The following RCAN2 variants were observed in gnomAD, a reference collection of about 807,000 sequenced individuals.
RCAN2 encodes the protein calcipressin-2.
In RCAN2, 9 loss-of-function variants were observed where a neutral mutation model predicts 23.6. The observed-to-expected ratio is 0.38, with a 90% CI of 0.23 to 0.67. The LOEUF is 0.67. Ranked by LOEUF, RCAN2 falls within the 30% of genes least tolerant of loss-of-function variation. The pLI is 0.51. For missense variants in RCAN2, 273 were observed against 302.3 expected, an observed-to-expected ratio of 0.90 and a Z score of 0.72; for synonymous variants, 109 against 115.7, an observed-to-expected ratio of 0.94 and a Z score of 0.37.
chr6:46,390,336 T>C (rs1002431217), intron 2 of RCAN2, among the ~76,000 whole-genome samples: 1 of 152,234 alleles, frequency 6.6e-6, no homozygotes, highest in African/African-American at 2.4e-5. Context: ...ACATCATGGA[T>C]GAATGGAATG....
At chr6:46,474,016 G>C (rs1054802026) in intron 1 of RCAN2, among the ~76,000 whole-genome samples, 1 of 152,188 alleles carries the variant, frequency 6.6e-6, no homozygotes, top group Non-Finnish European at 1.5e-5. Context: ...GGTGGTGGAG[G>C]AGAGGCACTG....
chr6:46,241,082 A>C (rs1228287076), intron 4 of RCAN2, among the ~76,000 whole-genome samples: 3 of 152,204 alleles, frequency 2.0e-5, no homozygotes, highest in Non-Finnish European at 4.4e-5. Context: ...GCCATCTTAG[A>C]GAGCAGAATA....
chr6:46,445,769 T>C (rs191469976), intron 2 of RCAN2, among the ~76,000 whole-genome samples: 7 of 152,240 alleles, frequency 4.6e-5, no homozygotes, highest in African/African-American at 1.7e-4. Context: ...TGCAATGAAC[T>C]AAGTTAAAAA....
At chr6:46,416,031 C>T (rs1269386473) in intron 2 of RCAN2, among the ~76,000 whole-genome samples, 1 of 152,012 alleles carries the variant, frequency 6.6e-6, no homozygotes, top group Non-Finnish European at 1.5e-5. Flanking sequence ...TAGGTAATAA[C>T]CGACAAGAAA....
intron 2 of RCAN2, among the ~76,000 whole-genome samples, chr6:46,264,706 G>A (rs763803958): frequency 3.9e-5 from 6 of 152,142 alleles, no homozygotes; most frequent in Non-Finnish European, 7.4e-5. Flanking sequence ...CATGGCTGAA[G>A]TGGATTTACT....
intron 4 of RCAN2, among the ~76,000 whole-genome samples, chr6:46,243,429 C>T (rs1766379631): frequency 6.6e-6 from 1 of 152,128 alleles, no homozygotes; most frequent in African/African-American, 2.4e-5. Flanking sequence ...TCAATATTTG[C>T]TCTTGTACCA....
At chr6:46,359,822 A>C (rs544384421) in intron 2 of RCAN2, among the ~76,000 whole-genome samples, 1 of 151,876 alleles carries the variant, frequency 6.6e-6, no homozygotes, top group South Asian at 2.1e-4. Context: ...ATTTTCACCA[A>C]AAAAAAAGTT....
chr6:46,296,120 G>A (rs780109703), intron 2 of RCAN2, among the ~76,000 whole-genome samples: 3 of 147,110 alleles, frequency 2.0e-5, no homozygotes, highest in Non-Finnish European at 4.5e-5. Context: ...TGTGTGTGCT[G>A]TCTTTGGCCT....
chr6:46,313,219 C>T (rs1763321519), intron 2 of RCAN2, among the ~76,000 whole-genome samples: 2 of 152,192 alleles, frequency 1.3e-5, no homozygotes, highest in South Asian at 2.1e-4. Context: ...TACTCTCTTA[C>T]AGGCTTCCAT....
At chr6:46,371,048 T>C (rs1286125057) in intron 2 of RCAN2, among the ~76,000 whole-genome samples, 1 of 152,212 alleles carries the variant, frequency 6.6e-6, no homozygotes, top group African/African-American at 2.4e-5. Flanking sequence ...GTGCATACAC[T>C]GACATTGTAT....
intron 2 of RCAN2, among the ~76,000 whole-genome samples, chr6:46,398,844 G>C (rs1224734746): frequency 6.6e-6 from 1 of 151,656 alleles, no homozygotes; most frequent in Non-Finnish European, 1.5e-5. Flanking sequence ...ATATTAATGG[G>C]TGCATTATAG....
intron 2 of RCAN2, among the ~76,000 whole-genome samples, chr6:46,316,720 C>T (rs1229971212): frequency 6.6e-6 from 1 of 152,194 alleles, no homozygotes; most frequent in African/African-American, 2.4e-5. Context: ...ATAGTCAGTG[C>T]TCAATACATT....
rs536719242 is a variant in RCAN2, at chr6:46,455,991, G to T, written c.225+761C>A. On this transcript the variant is annotated intron_variant, in intron 2 of 4. Coordinates refer to ENST00000371374, the MANE Select transcript of RCAN2 (RefSeq NM_001251974.2). ...TAAGAATCTACATCTACAAGGGAAG[G>T]TTTAATCCATTTAGATACCCCATTC... is the stretch of plus-strand genomic sequence containing the variant. Among the ~76,000 whole-genome samples the T allele has an allele frequency of 2.0e-5, 3 of 152,150 alleles. No homozygotes were observed. The East Asian group carries it at 5.8e-4, about 29-fold the overall frequency.
At chr6:46,266,441 G>T (rs1440092135) in intron 2 of RCAN2, among the ~76,000 whole-genome samples, 1 of 152,132 alleles carries the variant, frequency 6.6e-6, no homozygotes, top group Non-Finnish European at 1.5e-5. Context: ...TGGGTAGGTG[G>T]GACACTGTTG....
At chr6:46,460,866 A>G (rs1768184563) in intron 1 of RCAN2, among the ~76,000 whole-genome samples, 1 of 152,250 alleles carries the variant, frequency 6.6e-6, no homozygotes, top group Admixed American at 6.5e-5. Flanking sequence ...TACTATTTCA[A>G]ATGTCTACAC....
At chr6:46,487,841 C>T (rs1466704326) in intron 1 of RCAN2, among the ~76,000 whole-genome samples, 1 of 152,188 alleles carries the variant, frequency 6.6e-6, no homozygotes, top group East Asian at 1.9e-4. Flanking sequence ...TATTTCTATC[C>T]TCTAAGTGAC....
At chr6:46,332,179 TG>T (rs1763995590) in intron 2 of RCAN2, among the ~76,000 whole-genome samples, 1 of 152,206 alleles carries the variant, frequency 6.6e-6, no homozygotes, top group Admixed American at 6.5e-5. Context: ...AATATTTCCA[TG>T]GCTCAAAAAT....
chr6:46,306,927 T>G (rs1334712496), intron 2 of RCAN2, among the ~76,000 whole-genome samples: 1 of 152,168 alleles, frequency 6.6e-6, no homozygotes. Flanking sequence ...CACTGTAATA[T>G]TCCAAGAAAA....
At chr6:46,430,457 G>T (rs1209193483) in intron 2 of RCAN2, among the ~76,000 whole-genome samples, 1 of 152,132 alleles carries the variant, frequency 6.6e-6, no homozygotes, top group East Asian at 1.9e-4. Context: ...CAGAGAGGCT[G>T]CTTGGATCAG....
Sources: allele counts gnomAD v4.1 joint callset (sites outside exome capture counted in the v4.1 genomes callset), GRCh38; gene constraint gnomAD v4.1.1; transcripts MANE v1.5; gene names NCBI Gene and HGNC (gene_info 2026-07-23, HGNC 2026-07-21).